Variants in TLN2 observed in about 807,000 individuals in gnomAD.
TLN2 encodes the protein talin-2.
Under a neutral mutation model 294.7 loss-of-function variants are expected in TLN2, and 118 were observed. The ratio of observed to expected loss-of-function variants is 0.40; its 90% CI spans 0.34 to 0.47. The LOEUF (loss-of-function observed/expected upper bound fraction) is 0.47. Ranked by LOEUF, TLN2 falls within the 20% of genes least tolerant of loss-of-function variation. TLN2 has a pLI of 0.84. For missense variants in TLN2, 3,083 were observed against 3,282.2 expected, an observed-to-expected ratio of 0.94 and a Z score of 1.48; for synonymous variants, 1,431 against 1,304.5, an observed-to-expected ratio of 1.10 and a Z score of -2.09.
intron 1 of TLN2, among the ~76,000 whole-genome samples, chr15:62,482,417 A>G (rs1595903806): frequency 6.6e-6 from 1 of 151,610 alleles, no homozygotes; most frequent in Admixed American, 6.6e-5. Context: ...AGCCTGACCA[A>G]CATGGAGAAA....
In TLN2 at chr15:62,835,727, T is replaced by G. The variant is rs773125907; in HGVS notation, c.7129-10T>G. 6.2e-6 allele frequency: 10 copies of G among 1,613,974 alleles called. No individual in the cohort carries two copies. The highest frequency in any genetic ancestry group is 3.3e-5 in the South Asian group (3 of 91,070). ...GCCCTCATGGCCAATTTCTCGACTC[T>G]ACTCTCTAGGTGGGCTCCATCCCTG... On this transcript the variant is annotated splice_polypyrimidine_tract_variant and intron_variant, in intron 55 of 58. Transcript: ENST00000636159.
chr15:62,821,560 A>G (rs2067572835), intron 54 of TLN2, among the ~76,000 whole-genome samples: 1 of 152,254 alleles, frequency 6.6e-6, no homozygotes. Flanking sequence ...AGTGTAGTGT[A>G]TGAAATAAAC....
At chr15:62,794,792 G>A (rs964623585) in intron 46 of TLN2, among the ~76,000 whole-genome samples, 1 of 152,200 alleles carries the variant, frequency 6.6e-6, no homozygotes, top group African/African-American at 2.4e-5. Flanking sequence ...TGAGATCTCA[G>A]CAGCACGGGG....
intron 28 of TLN2, among the ~76,000 whole-genome samples, chr15:62,728,101 C>T (rs923280912): frequency 6.6e-6 from 1 of 152,166 alleles, no homozygotes; most frequent in Admixed American, 6.5e-5. Flanking sequence ...TCTTCAGCCT[C>T]CCGGATGCTC....
intron 5 of TLN2, among the ~76,000 whole-genome samples, chr15:62,650,527 G>A (rs12903999): frequency 0.54 from 82,357 of 151,920 alleles, 24,287 homozygotes; most frequent in Middle Eastern, 0.73. Context: ...AGGGAAAAAC[G>A]AAATGTAACC....
chr15:62,831,788 A>G lies in TLN2; in HGVS notation c.7003-1716A>G, dbSNP rs558292727. 1.2e-4 allele frequency: 18 copies of G among 152,364 alleles called. No homozygotes were observed. The South Asian group carries it at 3.3e-3, about 28-fold the overall frequency. 9.4% of individuals were successfully genotyped at this position (152,364 alleles called of 1,614,324 possible). On this transcript the variant is annotated intron_variant, in intron 54 of 58. Transcript: ENST00000636159. ...TATTTTGATAATGTAGGTTATAAAG[A>G]AAAAGGATTAGCACCTTTCATGGTT...
chr15:62,558,695 T>C (rs969778993), intron 1 of TLN2, among the ~76,000 whole-genome samples: 6 of 152,196 alleles, frequency 3.9e-5, no homozygotes, highest in South Asian at 2.1e-4. Flanking sequence ...AGTAGGTTTT[T>C]AGAGAAGTGA....
chr15:62,767,004 T>G (rs923281988), intron 41 of TLN2, among the ~76,000 whole-genome samples: 1 of 152,196 alleles, frequency 6.6e-6, no homozygotes, highest in Non-Finnish European at 1.5e-5. Context: ...TTGCAAATTC[T>G]TCAAGGACGG....
Position 62,819,617 on chromosome 15 carries a change from G to A in TLN2, c.6873G>A (p.Met2291Ile), listed in dbSNP as rs2067395948. The change falls in exon 53 of 59, where the codon ATG becomes ATA. Residue 2291 changes from methionine (M) to isoleucine (I), a missense_variant. Transcript: ENST00000636159. Reference protein sequence around the residue: ...VTELIQAAEAMKGTEWVDPED... With the variant: ...VTELIQAAEAIKGTEWVDPED... ...AGCTCATCCAGGCGGCGGAAGCCAT[G>A]AAAGGTAGGCTGGATTCTCACGTCT... 1.2e-6 allele frequency: 2 copies of A among 1,609,584 alleles called. No homozygotes were observed. Among genetic ancestry groups the A allele is most frequent in the African/African-American group, 1.3e-5 (1 of 74,940 alleles).
At chr15:62,631,688 T>C (rs1231257373) in intron 3 of TLN2, among the ~76,000 whole-genome samples, 2 of 147,970 alleles carry the variant, frequency 1.4e-5, no homozygotes, top group Non-Finnish European at 3.0e-5. Context: ...TCTCTTTCTG[T>C]CTTTCTTTCT....
At chr15:62,776,741 A>G in intron 42 of TLN2, 23 bp from the exon 43 acceptor site, 3 of 1,480,502 alleles carry the variant, frequency 2.0e-6, no homozygotes, top group Non-Finnish European at 2.7e-6. Context: ...GCTTAAGGAA[A>G]TGTTTCACAA....
intron 36 of TLN2, 200 bp from the exon 37 acceptor site, chr15:62,755,332 A>T (rs2062177343): frequency 3.3e-6 from 2 of 603,372 alleles, no homozygotes; most frequent in Non-Finnish European, 5.4e-6. Flanking sequence ...CTTTTTTCTT[A>T]TTCTTTCTTT....
chr15:62,740,609 C>G, intron 31 of TLN2, 21 bp from the exon 32 acceptor site: 1 of 1,613,836 alleles, frequency 6.2e-7, no homozygotes, highest in Non-Finnish European at 8.5e-7. Context: ...CTAATAGCTC[C>G]GGCTCCTTTT....
At chr15:62,638,760 A>T in intron 3 of TLN2, 3 of 383,214 alleles carry the variant, frequency 7.8e-6, no homozygotes, top group Non-Finnish European at 1.5e-5. Context: ...TATGTATTGA[A>T]CCCTTCTCTG....
intron 1 of TLN2, among the ~76,000 whole-genome samples, chr15:62,410,220 T>C (rs538074): frequency 0.93 from 141,788 of 151,822 alleles, 66,658 homozygotes; most frequent in East Asian, 1. Flanking sequence ...CCACCTTGGG[T>C]GACAGAGCGA....
chr15:62,821,240 G>C (rs1596121373), intron 54 of TLN2, among the ~76,000 whole-genome samples: 2 of 152,238 alleles, frequency 1.3e-5, no homozygotes, highest in African/African-American at 4.8e-5. Context: ...CTGTCTCCAG[G>C]GGCAAAGCCC....
intron 9 of TLN2, 139 bp downstream of exon 9, chr15:62,658,037 T>A: frequency 2.4e-6 from 2 of 843,444 alleles, no homozygotes; most frequent in Non-Finnish European, 3.5e-6. Context: ...TTCCATCGAG[T>A]AGATGACCAA....
At chr15:62,620,837 C>CTTTTTTTTTTTTTTTTTTTTTT (rs71129016) in intron 3 of TLN2, among the ~76,000 whole-genome samples, 1 of 66,414 alleles carries the variant, frequency 1.5e-5, no homozygotes, top group Admixed American at 2.1e-4. Flanking sequence ...CTTTCTTTTT[C>CTTTTTTTTTTTTTTTTTTTTTT]TTTTTTTTTT....
chr15:62,569,697 G>C (rs947157255), intron 1 of TLN2, among the ~76,000 whole-genome samples: 1 of 152,238 alleles, frequency 6.6e-6, no homozygotes, highest in Non-Finnish European at 1.5e-5. Flanking sequence ...GGGAATGGCT[G>C]TGGAAAACAG....
Sources: allele counts gnomAD v4.1 joint callset (sites outside exome capture counted in the v4.1 genomes callset), GRCh38; gene constraint gnomAD v4.1.1; transcripts MANE v1.5; gene names NCBI Gene and HGNC (gene_info 2026-07-23, HGNC 2026-07-21).